Variants in TSNARE1 observed in about 807,000 individuals in gnomAD.
TSNARE1 encodes the protein t-SNARE domain containing 1.
Under a neutral mutation model 62.0 loss-of-function variants are expected in TSNARE1, and 49 were observed. The observed-to-expected ratio is 0.79, with a 90% CI of 0.63 to 1.00. TSNARE1 has a LOEUF of 1.00. TSNARE1 is among the 50% of genes least tolerant of loss of function. The pLI is 0.00. For synonymous variants in TSNARE1, 328 were observed against 294.4 expected, an observed-to-expected ratio of 1.11 and a Z score of -1.17; for missense variants, 755 against 700.1, an observed-to-expected ratio of 1.08 and a Z score of -0.88.
intron 13 of TSNARE1, among the ~76,000 whole-genome samples, chr8:142,222,576 C>A: frequency 3.3e-5 from 1 of 29,992 alleles, no homozygotes; most frequent in East Asian, 1.1e-3. Flanking sequence ...ACTCACTCAG[C>A]CACTCATTCA....
chr8:142,361,172 T>G (rs1341491248), intron 1 of TSNARE1, among the ~76,000 whole-genome samples: 3 of 152,254 alleles, frequency 2.0e-5, no homozygotes, highest in Non-Finnish European at 4.4e-5. Flanking sequence ...ACGCGTTCTC[T>G]GTACCTCTGA....
chr8:142,252,261 T>G (rs1818213630), intron 12 of TSNARE1, among the ~76,000 whole-genome samples: 1 of 152,222 alleles, frequency 6.6e-6, no homozygotes, highest in African/African-American at 2.4e-5. Flanking sequence ...TTCATCTTCT[T>G]AAGCAGGCCT....
intron 11 of TSNARE1, among the ~76,000 whole-genome samples, chr8:142,280,593 C>T (rs1821262711): frequency 6.6e-6 from 1 of 152,216 alleles, no homozygotes; most frequent in African/African-American, 2.4e-5. Flanking sequence ...GTCCCCCTCC[C>T]CACGACTGCT....
At chr8:142,271,981 C>T (rs1004570832) in intron 12 of TSNARE1, among the ~76,000 whole-genome samples, 6 of 152,096 alleles carry the variant, frequency 3.9e-5, no homozygotes, top group South Asian at 2.1e-4. Flanking sequence ...ATCCTCCCAC[C>T]GACTCCCCTG....
intron 11 of TSNARE1, chr8:142,280,122 G>C: frequency 8.9e-7 from 1 of 1,123,516 alleles, no homozygotes; most frequent in Non-Finnish European, 1.1e-6. Flanking sequence ...GCAGCGCCCC[G>C]AACAGCAGCG....
At chr8:142,238,149 G>A (rs1817525585) in intron 12 of TSNARE1, among the ~76,000 whole-genome samples, 1 of 151,996 alleles carries the variant, frequency 6.6e-6, no homozygotes, top group Non-Finnish European at 1.5e-5. Context: ...CCTCTTTCTG[G>A]GGAGAAGGAG....
At chr8:142,305,350 G>A (rs1356082173) in intron 9 of TSNARE1, among the ~76,000 whole-genome samples, 2 of 151,974 alleles carry the variant, frequency 1.3e-5, no homozygotes, top group East Asian at 3.9e-4. Context: ...GGGCGCAGGG[G>A]TGGGAGGGGG....
chr8:142,227,567 G>A (rs912227877), intron 13 of TSNARE1, among the ~76,000 whole-genome samples: 1 of 152,254 alleles, frequency 6.6e-6, no homozygotes, highest in African/African-American at 2.4e-5. Flanking sequence ...GATACCAGGA[G>A]TTCTCTTTGC....
intron 11 of TSNARE1, chr8:142,278,151 G>C (rs1171541948): frequency 1.0e-6 from 1 of 984,946 alleles, no homozygotes; most frequent in Non-Finnish European, 1.2e-6. Flanking sequence ...ACAAGGCCTA[G>C]TGCCCAGGCC....
chr8:142,321,176 C>T (rs554877662), intron 6 of TSNARE1, among the ~76,000 whole-genome samples: 6 of 149,730 alleles, frequency 4.0e-5, no homozygotes, highest in Admixed American at 6.6e-5. Context: ...GGGCAGCAGG[C>T]GGAATGGCAC....
At chr8:142,283,683 T>A (rs1249515399) in intron 11 of TSNARE1, among the ~76,000 whole-genome samples, 2 of 146,412 alleles carry the variant, frequency 1.4e-5, no homozygotes, top group Non-Finnish European at 3.0e-5. Flanking sequence ...GTGGGACCAG[T>A]GTCTGTCAAT....
intron 1 of TSNARE1, among the ~76,000 whole-genome samples, chr8:142,394,615 C>T (rs1300377259): frequency 2.0e-5 from 3 of 152,216 alleles, no homozygotes; most frequent in Non-Finnish European, 4.4e-5. Flanking sequence ...CCAGACCCCA[C>T]GGGATTCCTC....
chr8:142,292,468 A>C (rs923644251), intron 10 of TSNARE1, among the ~76,000 whole-genome samples: 1 of 152,120 alleles, frequency 6.6e-6, no homozygotes, highest in African/African-American at 2.4e-5. Flanking sequence ...AGGGTCCAAG[A>C]TGGGCCTGTG....
intron 12 of TSNARE1, among the ~76,000 whole-genome samples, chr8:142,256,442 A>C (rs1818578595): frequency 1.4e-5 from 1 of 73,170 alleles, no homozygotes; most frequent in South Asian, 5.0e-4. Flanking sequence ...CATGGCTATC[A>C]CCACTACCAT....
chr8:142,314,988 C>T lies in TSNARE1; in HGVS notation c.1074+15G>A, dbSNP rs1434648279. 19 of 1,613,926 alleles carry T rather than the reference C, an allele frequency of 1.2e-5. No individual in the cohort carries two copies. The East Asian group carries it at 4.0e-4, about 34-fold the overall frequency. On this transcript the variant is annotated intron_variant, in intron 8 of 13. Transcript: ENST00000524325. The stretch of plus-strand genomic sequence containing the variant: ...CCTGGCCTGCAGACCCCCACTGCCC[C>T]CACCAGCACCTCACCTTCTGCACCA...
intron 2 of TSNARE1, among the ~76,000 whole-genome samples, chr8:142,353,546 G>A (rs532155464): frequency 6.6e-6 from 1 of 152,316 alleles, no homozygotes; most frequent in East Asian, 1.9e-4. Flanking sequence ...CGTCCTCCCT[G>A]CTGCCATCCT....
intron 9 of TSNARE1, among the ~76,000 whole-genome samples, chr8:142,310,882 C>T (rs892735996): frequency 5.9e-5 from 9 of 152,100 alleles, no homozygotes; most frequent in African/African-American, 2.2e-4. Context: ...GACAGTTTTG[C>T]TCCGTCCCCC....
At chr8:142,365,633 C>CACACACACACAG (rs60883386) in intron 1 of TSNARE1, among the ~76,000 whole-genome samples, 99 of 138,654 alleles carry the variant, frequency 7.1e-4, no homozygotes, top group African/African-American at 2.6e-3. Flanking sequence ...CACACACACA[C>CACACACACACAG]AGAGAGAGAG....
intron 12 of TSNARE1, among the ~76,000 whole-genome samples, chr8:142,257,388 C>T (rs1221420140): frequency 1.3e-5 from 2 of 152,190 alleles, no homozygotes; most frequent in Non-Finnish European, 2.9e-5. Context: ...GGACAGCTGG[C>T]CGTGGACAGC....
Sources: gnomAD v4.1 joint callset for allele counts (sites outside exome capture counted in the v4.1 genomes callset) on GRCh38, gnomAD v4.1.1 for gene constraint, MANE v1.5 for transcripts, NCBI Gene and HGNC (gene_info 2026-07-23, HGNC 2026-07-21) for gene names.